Variants in PLEKHM3 observed in about 807,000 individuals in gnomAD.
PLEKHM3 encodes the protein pleckstrin homology domain containing M3.
In PLEKHM3, 45 loss-of-function variants were observed where a neutral mutation model predicts 81.8. That is an observed-to-expected ratio of 0.55 (90% CI 0.43 to 0.71). PLEKHM3 has a LOEUF of 0.71. Ranked by LOEUF, PLEKHM3 falls within the 30% of genes least tolerant of loss-of-function variation. PLEKHM3 has a pLI of 0.00. For synonymous variants in PLEKHM3, 352 were observed against 356.4 expected, an observed-to-expected ratio of 0.99 and a Z score of 0.14; for missense variants, 788 against 924.3, an observed-to-expected ratio of 0.85 and a Z score of 1.91.
At chr2:207,871,372 GCT>G (rs1047744649) in intron 6 of PLEKHM3, among the ~76,000 whole-genome samples, 1 of 152,104 alleles carries the variant, frequency 6.6e-6, no homozygotes, top group Non-Finnish European at 1.5e-5. Context: ...CCACCAATTA[GCT>G]CTTATCTGAT....
chr2:207,936,097 C>T (rs1689741129), intron 4 of PLEKHM3, among the ~76,000 whole-genome samples: 1 of 152,214 alleles, frequency 6.6e-6, no homozygotes, highest in Non-Finnish European at 1.5e-5. Flanking sequence ...ATCCTCCCAC[C>T]TCAGCCTCTG....
chr2:207,835,076 G>A (rs2092311307), intron 7 of PLEKHM3, among the ~76,000 whole-genome samples: 2 of 151,852 alleles, frequency 1.3e-5, no homozygotes, highest in African/African-American at 4.8e-5. Context: ...AAGTAGCTGG[G>A]ATTACAGGCA....
rs940201590 is a variant in PLEKHM3 at position 207,932,756 on chromosome 2, G to A, written c.1693-1637C>T. 7.2e-5 allele frequency among the ~76,000 whole-genome samples: 11 copies of A among 152,308 alleles called. No homozygotes were observed. The East Asian group carries it at 2.1e-3, about 29-fold the overall frequency. ...GGGGAGAGGGTTGGCAAAGCAGGTG[G>A]CACTTGGATCTGGGTGTAGAAGATA... On this transcript the variant is annotated intron_variant, in intron 4 of 7. Coordinates refer to ENST00000427836, the MANE Select transcript of PLEKHM3 (RefSeq NM_001080475.3).
chr2:207,997,024 A>T (rs1268356072), intron 2 of PLEKHM3, among the ~76,000 whole-genome samples: 1 of 148,186 alleles, frequency 6.7e-6, no homozygotes, highest in Non-Finnish European at 1.5e-5. Context: ...AAAAAAAATT[A>T]CAATGCGGGT....
At chr2:207,909,705 G>C (rs1007816062) in intron 5 of PLEKHM3, among the ~76,000 whole-genome samples, 1 of 152,216 alleles carries the variant, frequency 6.6e-6, no homozygotes, top group Non-Finnish European at 1.5e-5. Context: ...GAAAACCACA[G>C]GGTATATGCC....
chr2:208,015,726 A>G (rs1427876309), intron 1 of PLEKHM3, among the ~76,000 whole-genome samples: 2 of 152,360 alleles, frequency 1.3e-5, no homozygotes, highest in East Asian at 3.9e-4. Flanking sequence ...GCCTTTTACT[A>G]GTGTTTCCCT....
chr2:208,012,156 C>T (rs939764759), intron 1 of PLEKHM3, among the ~76,000 whole-genome samples: 1 of 152,116 alleles, frequency 6.6e-6, no homozygotes, highest in Non-Finnish European at 1.5e-5. Flanking sequence ...ATTCTCCTGC[C>T]TCAGCCTCCC....
chr2:207,857,023 G>C (rs988999451), intron 7 of PLEKHM3, among the ~76,000 whole-genome samples: 4 of 151,972 alleles, frequency 2.6e-5, no homozygotes, highest in Non-Finnish European at 5.9e-5. Context: ...ATATTTTGTT[G>C]TTGTTTAATG....
rs139809470 is a variant in PLEKHM3, at chr2:207,946,960, T to G, written c.1547-448A>C. Among the ~76,000 whole-genome samples the G allele has an allele frequency of 3.2e-3, 494 of 152,314 alleles. 2 individuals are homozygous for G. The highest frequency in any genetic ancestry group is 0.011 in the African/African-American group (474 of 41,562). On this transcript the variant is annotated intron_variant, in intron 3 of 7. Transcript: ENST00000427836. ...TATTTTATAGATGAAGAATCTAAGATTTTTATGAGGTTAAGTATCTTGTCT... is the reference window on the plus strand; with the variant it reads ...TATTTTATAGATGAAGAATCTAAGAGTTTTATGAGGTTAAGTATCTTGTCT...
At chr2:207,914,120 A>C (rs981184927) in intron 5 of PLEKHM3, among the ~76,000 whole-genome samples, 1 of 152,158 alleles carries the variant, frequency 6.6e-6, no homozygotes, top group Non-Finnish European at 1.5e-5. Flanking sequence ...TGGGAGGGTG[A>C]GGTGGGAGGA....
chr2:207,993,241 G>T (rs186386758), intron 2 of PLEKHM3, among the ~76,000 whole-genome samples: 2 of 152,150 alleles, frequency 1.3e-5, no homozygotes, highest in East Asian at 3.8e-4. Context: ...CCAAATAGCT[G>T]CCACAGGCCA....
At chr2:207,925,522 A>T (rs1198115258) in intron 5 of PLEKHM3, among the ~76,000 whole-genome samples, 2 of 152,158 alleles carry the variant, frequency 1.3e-5, no homozygotes, top group African/African-American at 4.8e-5. Flanking sequence ...CACTTTCCTT[A>T]TGAGGTGGTA....
rs1034539750 is a variant in PLEKHM3 at position 207,822,304 on chromosome 2, A to C, written c.*6015T>G. On this transcript the variant is annotated 3_prime_UTR_variant, in exon 8 of 8. Coordinates refer to ENST00000427836, the MANE Select transcript of PLEKHM3 (RefSeq NM_001080475.3). The stretch of plus-strand genomic sequence containing the variant: ...AAACAGGTGGCAAAATAAAAAGAAA[A>C]CCTTTGAAAGGTGAAAGATAAGAAA... 2 of 152,788 alleles carry C rather than the reference A, an allele frequency of 1.3e-5. No individual in the cohort carries two copies. The highest frequency in any genetic ancestry group is 4.8e-5 in the African/African-American group (2 of 41,578). The allele number at this position is 152,788 out of a possible 1,614,324, so 9.5% of individuals were successfully genotyped here.
chr2:207,975,080 G>A (rs531510726), intron 3 of PLEKHM3, among the ~76,000 whole-genome samples: 56 of 152,014 alleles, frequency 3.7e-4, no homozygotes, highest in Non-Finnish European at 7.1e-4. Context: ...CGCCCGCCTC[G>A]GCCTCCCAAA....
At chr2:207,978,868 T>C (rs1164915423) in intron 2 of PLEKHM3, among the ~76,000 whole-genome samples, 1 of 152,254 alleles carries the variant, frequency 6.6e-6, no homozygotes, top group African/African-American at 2.4e-5. Flanking sequence ...TATATTATAA[T>C]AGCTTATTTA....
At chr2:207,957,248 C>G (rs1418605594) in intron 3 of PLEKHM3, among the ~76,000 whole-genome samples, 1 of 152,154 alleles carries the variant, frequency 6.6e-6, no homozygotes, top group Non-Finnish European at 1.5e-5. Flanking sequence ...AATAATCCCC[C>G]TTATTGTAAA....
At chr2:207,982,210 T>G in intron 2 of PLEKHM3, among the ~76,000 whole-genome samples, 1 of 146,492 alleles carries the variant, frequency 6.8e-6, no homozygotes, top group Admixed American at 6.7e-5. Context: ...CCTTCCTTCG[T>G]TCCTCCCTCC....
chr2:207,943,347 T>C (rs1022834153), intron 4 of PLEKHM3, among the ~76,000 whole-genome samples: 6 of 152,214 alleles, frequency 3.9e-5, no homozygotes, highest in East Asian at 3.8e-4. Context: ...CCTGTTTCCA[T>C]ATGAAGCCCC....
chr2:207,840,049 T>C (rs1368853694), intron 7 of PLEKHM3, among the ~76,000 whole-genome samples: 1 of 152,252 alleles, frequency 6.6e-6, no homozygotes, highest in African/African-American at 2.4e-5. Context: ...GGAATTCTGA[T>C]GAACACAGAA....
Sources: allele counts gnomAD v4.1 joint callset (sites outside exome capture counted in the v4.1 genomes callset), GRCh38; gene constraint gnomAD v4.1.1; transcripts MANE v1.5; gene names NCBI Gene and HGNC (gene_info 2026-07-23, HGNC 2026-07-21).